The following TRIM9 variants were observed in gnomAD, a reference collection of about 807,000 sequenced individuals.
TRIM9 encodes tripartite motif containing 9.
A neutral mutation model predicts 78.3 loss-of-function variants in TRIM9; 26 were observed. That is an observed-to-expected ratio of 0.33 (90% confidence interval 0.24 to 0.46). TRIM9 has a LOEUF of 0.46. Among genes scored for constraint, TRIM9 ranks in the 20% least tolerant of loss-of-function variants. TRIM9 has a pLI of 1.00. For synonymous variants in TRIM9, 398 were observed against 416.5 expected (o/e 0.96, Z 0.54); for missense variants, 787 against 1,036.4 (o/e 0.76, Z 3.30).
At chr14:51,069,793 A>G (rs2062055662) in intron 1 of TRIM9, among the ~76,000 whole-genome samples, 1 of 152,196 alleles carries the variant, frequency 6.6e-6, no homozygotes, top group African/African-American at 2.4e-5. Flanking sequence ...TTGCTGCCCA[A>G]TTACTGAGAG....
chr14:51,081,724 C>T (rs538037118), intron 1 of TRIM9, among the ~76,000 whole-genome samples: 4 of 152,286 alleles, frequency 2.6e-5, no homozygotes, highest in Admixed American at 2.0e-4. Flanking sequence ...TGATAATTCA[C>T]TAGAATGACT....
intron 8 of TRIM9, among the ~76,000 whole-genome samples, chr14:50,984,702 A>G (rs1249517516): frequency 2.6e-5 from 4 of 152,222 alleles, no homozygotes; most frequent in African/African-American, 9.7e-5. Flanking sequence ...ACACTACTTT[A>G]AATACATTAT....
At chr14:51,056,131 A>C (rs1483277168) in intron 1 of TRIM9, among the ~76,000 whole-genome samples, 2 of 152,248 alleles carry the variant, frequency 1.3e-5, no homozygotes, top group African/African-American at 4.8e-5. Flanking sequence ...ACAATGGTAC[A>C]AAAATTATGC....
chr14:50,992,856 T>C (rs2053700241), intron 7 of TRIM9, among the ~76,000 whole-genome samples: 1 of 152,154 alleles, frequency 6.6e-6, no homozygotes, highest in Admixed American at 6.5e-5. Flanking sequence ...AAAGCAGTTT[T>C]TAAGATGTAG....
chr14:51,066,847 C>G (rs2061786021), intron 1 of TRIM9, among the ~76,000 whole-genome samples: 1 of 152,200 alleles, frequency 6.6e-6, no homozygotes, highest in South Asian at 2.1e-4. Flanking sequence ...GACTGAAGCT[C>G]TGCTGTTGTG....
At chr14:51,066,524 A>T (rs1331492978) in intron 1 of TRIM9, among the ~76,000 whole-genome samples, 1 of 152,200 alleles carries the variant, frequency 6.6e-6, no homozygotes, top group Non-Finnish European at 1.5e-5. Context: ...CACTTGGCTC[A>T]ACCTCTATAC....
chr14:50,982,782 T>G, intron 10 of TRIM9, 160 bp downstream of exon 10: 1 of 620,978 alleles, frequency 1.6e-6, no homozygotes, highest in Non-Finnish European at 2.7e-6. Flanking sequence ...TAGGTGCAGA[T>G]AGAATGATGT....
In TRIM9 at chr14:51,000,797, T is replaced by G; in HGVS notation, c.1350A>C (p.Glu450Asp). The G allele has an allele frequency of 6.2e-7, 1 of 1,614,192 alleles. No homozygotes were observed. The highest frequency in any genetic ancestry group is 2.2e-5 in the East Asian group (1 of 44,888). ...VPATPILQLE[E>D]CCTHNNSATL... ...TAGCGCTGTTGTTGTGGGTACAACA[T>G]TCCTCCAGCTGTAGGATAGGGGTTG... Residue 450 changes from glutamate to aspartate, a missense_variant, in exon 6 of 13, where the codon GAA (glutamate) becomes GAC (aspartate). Coordinates refer to ENST00000684578, the MANE Select transcript of TRIM9 (RefSeq NM_001387360.1).
chr14:50,979,274 G>T, intron 12 of TRIM9, 113 bp downstream of exon 12: 1 of 1,581,666 alleles, frequency 6.3e-7, no homozygotes, highest in Non-Finnish European at 8.6e-7. Context: ...TCATATCTTG[G>T]TCTGGGCCTT....
At chr14:51,059,027 G>C (rs188431177) in intron 1 of TRIM9, among the ~76,000 whole-genome samples, 1 of 152,218 alleles carries the variant, frequency 6.6e-6, no homozygotes, top group South Asian at 2.1e-4. Context: ...TAGAGAACAG[G>C]CCTGTAAAGG....
intron 2 of TRIM9, among the ~76,000 whole-genome samples, chr14:51,023,238 T>C (rs1379062311): frequency 1.3e-5 from 2 of 152,220 alleles, no homozygotes; most frequent in African/African-American, 2.4e-5. Context: ...CTTTAGTTCA[T>C]AGAGTTGTTT....
intron 1 of TRIM9, among the ~76,000 whole-genome samples, chr14:51,082,849 T>C (rs1036639398): frequency 3.3e-5 from 5 of 152,066 alleles, no homozygotes; most frequent in East Asian, 1.9e-4. Context: ...TGACCAAAGC[T>C]ATATGTAGGT....
At chr14:51,063,118 C>T (rs570469044) in intron 1 of TRIM9, among the ~76,000 whole-genome samples, 30 of 152,098 alleles carry the variant, frequency 2.0e-4, no homozygotes, top group African/African-American at 6.5e-4. Context: ...AAATGATCAT[C>T]ATGTATGAAC....
chr14:50,976,289 A>T lies in TRIM9; in HGVS notation c.*1002T>A, dbSNP rs560980361. 6.6e-6 allele frequency: 1 copy of T among 152,596 alleles called. No individual in the cohort carries two copies. The highest frequency in any genetic ancestry group is 1.9e-4 in the East Asian group (1 of 5,182). The allele number at this position is 152,596 out of a possible 1,614,324, so 9.5% of individuals were successfully genotyped here. ...GGTACATTTCTGGTGCTATGGCCAG[A>T]ATGTGTGGATTTTTAGCATCATTCT... On this transcript the variant is annotated 3_prime_UTR_variant, in exon 13 of 13. Coordinates refer to ENST00000684578, the MANE Select transcript of TRIM9 (RefSeq NM_001387360.1).
intron 1 of TRIM9, among the ~76,000 whole-genome samples, chr14:51,042,831 C>T (rs574733626): frequency 2.3e-4 from 35 of 152,300 alleles, no homozygotes; most frequent in South Asian, 1.7e-3. Context: ...CTGGCAGTTC[C>T]TCTTATTCCA....
At chr14:51,080,500 G>A (rs1001401173) in intron 1 of TRIM9, among the ~76,000 whole-genome samples, 6 of 151,246 alleles carry the variant, frequency 4.0e-5, no homozygotes, top group African/African-American at 9.7e-5. Flanking sequence ...ACTAAAAAAT[G>A]AGTCTTTGGA....
At chr14:51,074,855 G>A (rs570352470) in intron 1 of TRIM9, among the ~76,000 whole-genome samples, 4 of 152,242 alleles carry the variant, frequency 2.6e-5, no homozygotes, top group East Asian at 1.9e-4. Context: ...CACTTCCAAG[G>A]CATAGGTAAA....
At chr14:51,002,131 CT>C in intron 5 of TRIM9, among the ~76,000 whole-genome samples, 1 of 151,004 alleles carries the variant, frequency 6.6e-6, no homozygotes. Flanking sequence ...GTGTGTTTTT[CT>C]TTTTTTTGAG....
At chr14:51,003,317 T>A (rs1406464800) in intron 5 of TRIM9, among the ~76,000 whole-genome samples, 3 of 152,226 alleles carry the variant, frequency 2.0e-5, no homozygotes, top group Admixed American at 6.5e-5. Flanking sequence ...TATTTATTCT[T>A]AACTGTCCTT....
Sources: gnomAD v4.1 joint callset for allele counts (sites outside exome capture counted in the v4.1 genomes callset) on GRCh38, gnomAD v4.1.1 for gene constraint, MANE v1.5 for transcripts, NCBI Gene and HGNC (gene_info 2026-07-23, HGNC 2026-07-21) for gene names.